The following KIAA0513 variants were observed in gnomAD, a reference collection of about 807,000 sequenced individuals.
The protein encoded by KIAA0513 is KIAA0513.
In KIAA0513, 39 loss-of-function variants were observed where a neutral mutation model predicts 56.5. The observed-to-expected ratio is 0.69, with a 90% CI of 0.53 to 0.90. The LOEUF is 0.90. Among genes scored for constraint, KIAA0513 ranks in the 40% least tolerant of loss-of-function variants. The pLI is 0.00. For synonymous variants in KIAA0513, 268 were observed against 215.6 expected, an observed-to-expected ratio of 1.24 and a Z score of -2.13; for missense variants, 591 against 535.2, an observed-to-expected ratio of 1.10 and a Z score of -1.03.
chr16:85,066,776 A>G (rs895939674), intron 1 of KIAA0513, 124 bp from the exon 2 acceptor site: 6 of 371,260 alleles, frequency 1.6e-5, no homozygotes, highest in African/African-American at 1.2e-4. Context: ...CAGTAGGAAG[A>G]TGATAGCAAA....
At chr16:85,062,435 A>G (rs917304182) in intron 1 of KIAA0513, among the ~76,000 whole-genome samples, 6 of 152,188 alleles carry the variant, frequency 3.9e-5, no homozygotes, top group African/African-American at 1.4e-4. Context: ...TGCGAATTGC[A>G]AAGTGTAACC....
chr16:85,039,290 G>A (rs1422737313), intron 1 of KIAA0513, among the ~76,000 whole-genome samples: 2 of 152,124 alleles, frequency 1.3e-5, no homozygotes, highest in Non-Finnish European at 2.9e-5. Context: ...TATCATCAAA[G>A]GTCTGTATGA....
At chr16:85,061,312 C>G (rs2073401409) in intron 1 of KIAA0513, among the ~76,000 whole-genome samples, 1 of 152,202 alleles carries the variant, frequency 6.6e-6, no homozygotes, top group Admixed American at 6.5e-5. Context: ...GAAATGCCTC[C>G]TCAAGCATCT....
At chr16:85,077,263 C>G (rs1416956250) in intron 5 of KIAA0513, 162 bp from the exon 6 acceptor site, 4 of 203,470 alleles carry the variant, frequency 2.0e-5, no homozygotes, top group Non-Finnish European at 3.5e-5. Context: ...CTTCCTCATC[C>G]TGGGCCGGCT....
chr16:85,030,779 G>A (rs983032194), intron 1 of KIAA0513, among the ~76,000 whole-genome samples: 2 of 151,548 alleles, frequency 1.3e-5, no homozygotes, highest in Non-Finnish European at 2.9e-5. Context: ...AAGGCATGGT[G>A]TTCTCATGAG....
intron 8 of KIAA0513, 100 bp downstream of exon 8, chr16:85,079,103 C>T: frequency 6.3e-7 from 1 of 1,587,380 alleles, no homozygotes; most frequent in Non-Finnish European, 8.6e-7. Context: ...ATCAGAATGG[C>T]AGAATTCTCA....
intron 1 of KIAA0513, among the ~76,000 whole-genome samples, chr16:85,050,309 G>A (rs2073232158): frequency 1.3e-5 from 2 of 151,198 alleles, no homozygotes; most frequent in Admixed American, 1.3e-4. Flanking sequence ...TCCTACTCTG[G>A]AGGAGCTGTT....
At chr16:85,042,169 C>G (rs1567522501) in intron 1 of KIAA0513, among the ~76,000 whole-genome samples, 1 of 152,182 alleles carries the variant, frequency 6.6e-6, no homozygotes, top group East Asian at 1.9e-4. Context: ...CAGCGAGTAA[C>G]TTTTGCGAAA....
chr16:85,072,875 T>C (rs1266616119), intron 3 of KIAA0513, 50 bp from the exon 4 acceptor site: 2 of 1,552,054 alleles, frequency 1.3e-6, no homozygotes, highest in Non-Finnish European at 8.9e-7. Context: ...CACTGAGTGC[T>C]GCGTGTGTCG....
In KIAA0513 at chr16:85,060,240, C is replaced by T. The variant is rs191916929; in HGVS notation, c.-172-6660C>T. Among the ~76,000 whole-genome samples the T allele has an allele frequency of 4.6e-5, 7 of 152,302 alleles. No individual in the cohort carries two copies. The East Asian group carries it at 1.4e-3, about 29-fold the overall frequency. On this transcript the variant is annotated intron_variant, in intron 1 of 12. Coordinates refer to ENST00000683363, the MANE Select transcript of KIAA0513 (RefSeq NM_001388359.1). ...CCTCCCAAAGTGTTGGGATTACAGG[C>T]GTGAGCCACTGTGCCCGGCTTTCTT...
At chr16:85,038,985 C>G (rs116225707) in intron 1 of KIAA0513, among the ~76,000 whole-genome samples, 1 of 152,306 alleles carries the variant, frequency 6.6e-6, no homozygotes, top group African/African-American at 2.4e-5. Flanking sequence ...ATTCATAGCA[C>G]AGATGATGGC....
chr16:85,034,514 A>T (rs1218195874), intron 1 of KIAA0513, among the ~76,000 whole-genome samples: 1 of 151,856 alleles, frequency 6.6e-6, no homozygotes, highest in East Asian at 1.9e-4. Flanking sequence ...AAGGGCTTTT[A>T]TTTATGGGGT....
rs564858053 is a variant in KIAA0513, at chr16:85,052,461, AT to A, written c.-172-14437del. ...TGGGAGGCCGAGGTTCCCAGGTTCC[AT>A]TGCATCGTGCCATTGCACTCCAGCC... On this transcript the variant is annotated intron_variant, in intron 1 of 12. Transcript: ENST00000683363. Among the ~76,000 whole-genome samples, 46 of 152,262 alleles carry A rather than the reference AT, an allele frequency of 3.0e-4. 1 individual carries two copies. The Middle Eastern group carries it at 0.027, about 90-fold the overall frequency.
chr16:85,052,445 G>A (rs1414879428), intron 1 of KIAA0513, among the ~76,000 whole-genome samples: 2 of 152,122 alleles, frequency 1.3e-5, no homozygotes, highest in Non-Finnish European at 2.9e-5. Flanking sequence ...CTGGGAGGCC[G>A]AGGTTCCCAG....
At chr16:85,054,437 T>TG (rs540716645) in intron 1 of KIAA0513, among the ~76,000 whole-genome samples, 7,661 of 141,554 alleles carry the variant, frequency 0.054, 203 homozygotes, top group African/African-American at 0.076. Context: ...TTTTTTTTTT[T>TG]TTGTTGTTGT....
At chr16:85,054,174 A>G (rs997086502) in intron 1 of KIAA0513, among the ~76,000 whole-genome samples, 16 of 151,870 alleles carry the variant, frequency 1.1e-4, no homozygotes, top group African/African-American at 3.6e-4. Context: ...AAGATTAAAC[A>G]CTGCCGTTTA....
At chr16:85,072,596 A>G (rs2073593817) in intron 3 of KIAA0513, among the ~76,000 whole-genome samples, 1 of 152,178 alleles carries the variant, frequency 6.6e-6, no homozygotes, top group Non-Finnish European at 1.5e-5. Flanking sequence ...AATTACCCAC[A>G]AATGCACAAT....
At chr16:85,050,655 TC>T (rs2073240334) in intron 1 of KIAA0513, among the ~76,000 whole-genome samples, 1 of 152,152 alleles carries the variant, frequency 6.6e-6, no homozygotes, top group African/African-American at 2.4e-5. Context: ...TTTTCTTCCC[TC>T]CCCAATCCCC....
Position 85,075,858 on chromosome 16 carries a change from A to T in KIAA0513, c.518A>T (p.Asp173Val). Residue 173 changes from aspartate (D) to valine (V), a missense_variant, in exon 5 of 13, where the codon GAT becomes GTT. Transcript: ENST00000683363. ...TCTTGTTTCAGGTGTCATCAGATGGATGACTTTGGGCCTGCCAAGAACCTC... is the reference window on the plus strand; with the variant it reads ...TCTTGTTTCAGGTGTCATCAGATGGTTGACTTTGGGCCTGCCAAGAACCTC... Reference protein sequence around the residue: ...AVVLFECHQMDDFGPAKNLMT... With the variant: ...AVVLFECHQMVDFGPAKNLMT... 6.2e-7 allele frequency: 1 copy of T among 1,614,118 alleles called. No homozygotes were observed. Among genetic ancestry groups the T allele is most frequent in the African/African-American group, 1.3e-5 (1 of 75,028 alleles).
Sources: allele counts gnomAD v4.1 joint callset (sites outside exome capture counted in the v4.1 genomes callset), GRCh38; gene constraint gnomAD v4.1.1; transcripts MANE v1.5; gene names NCBI Gene and HGNC (gene_info 2026-07-23, HGNC 2026-07-21).